The following AKR1C8 variants were observed in gnomAD, a reference collection of about 807,000 sequenced individuals.
AKR1C8 encodes the protein aldo-keto reductase family 1 member C8.
chr10:5,141,109 T>C, the AKR1C8 span, among the ~76,000 whole-genome samples: 1 of 152,154 alleles, frequency 6.6e-6, no homozygotes, highest in African/African-American at 2.4e-5. Flanking sequence ...TTTCATAATA[T>C]TTTAAATCCT....
At chr10:5,177,712 G>A in the AKR1C8 span, among the ~76,000 whole-genome samples, 1 of 152,300 alleles carries the variant, frequency 6.6e-6, no homozygotes, top group South Asian at 2.1e-4. Flanking sequence ...TCTTGGGAGG[G>A]TGTATGTGTC....
At chr10:5,160,947 T>C in the AKR1C8 span, 1 of 466,102 alleles carries the variant, frequency 2.1e-6, no homozygotes, top group African/African-American at 2.0e-5. Flanking sequence ...TCCTTTCTGG[T>C]GCCTAAGGAG....
At chr10:5,122,222 G>A in the AKR1C8 span, 1 of 299,418 alleles carries the variant, frequency 3.3e-6, no homozygotes, top group Non-Finnish European at 6.9e-6. Flanking sequence ...GCTTCTACCT[G>A]GGAATCCAAG....
At chr10:5,124,661 C>T in the AKR1C8 span, among the ~76,000 whole-genome samples, 2 of 151,962 alleles carry the variant, frequency 1.3e-5, no homozygotes, top group Non-Finnish European at 2.9e-5. Flanking sequence ...AAAATTAAAA[C>T]ATCATTGCTA....
the AKR1C8 span, among the ~76,000 whole-genome samples, chr10:5,138,523 A>G: frequency 1.3e-5 from 2 of 152,102 alleles, no homozygotes; most frequent in African/African-American, 4.8e-5. Context: ...TCAAACACAC[A>G]AGTTTTACAA....
At chr10:5,183,712 T>TA in the AKR1C8 span, among the ~76,000 whole-genome samples, 1 of 152,018 alleles carries the variant, frequency 6.6e-6, no homozygotes, top group South Asian at 2.1e-4. Context: ...CTTAAACAGT[T>TA]AGAGTGAGTT....
At chr10:5,139,889 C>A in the AKR1C8 span, among the ~76,000 whole-genome samples, 1 of 151,942 alleles carries the variant, frequency 6.6e-6, no homozygotes, top group African/African-American at 2.4e-5. Context: ...ATTTTTGCAA[C>A]CTACCCATCT....
chr10:5,123,504 A>T, the AKR1C8 span: 3 of 532,232 alleles, frequency 5.6e-6, no homozygotes, highest in South Asian at 1.1e-4. Flanking sequence ...CGGCTCCCTA[A>T]ACAGACTAAG....
At chr10:5,148,097 C>A in the AKR1C8 span, among the ~76,000 whole-genome samples, 1 of 152,070 alleles carries the variant, frequency 6.6e-6, no homozygotes, top group African/African-American at 2.4e-5. Flanking sequence ...TCTGGCTTCA[C>A]AAGACTCAAG....
the AKR1C8 span, among the ~76,000 whole-genome samples, chr10:5,169,536 G>A: frequency 9.7e-6 from 1 of 103,618 alleles, no homozygotes; most frequent in Admixed American, 9.0e-5. Context: ...TGAGACAGAA[G>A]TAACATTTTT....
the AKR1C8 span, among the ~76,000 whole-genome samples, chr10:5,167,314 G>A: frequency 6.6e-6 from 1 of 152,120 alleles, no homozygotes; most frequent in African/African-American, 2.4e-5. Context: ...AAATCATGCT[G>A]CTATAAAGAC....
chr10:5,160,703 C>A, the AKR1C8 span: 1 of 405,620 alleles, frequency 2.5e-6, no homozygotes. Context: ...AGAAGCTCCA[C>A]ATCTGAGGTC....
the AKR1C8 span, chr10:5,162,822 C>T: frequency 1.4e-5 from 7 of 504,672 alleles, no homozygotes; most frequent in South Asian, 4.5e-5. Context: ...CTTATAGTGG[C>T]CTCTGGCTAC....
At chr10:5,146,587 C>T in the AKR1C8 span, among the ~76,000 whole-genome samples, 1 of 152,090 alleles carries the variant, frequency 6.6e-6, no homozygotes, top group Non-Finnish European at 1.5e-5. Flanking sequence ...CATTACCATA[C>T]TCCACAATTT....
the AKR1C8 span, chr10:5,154,260 G>A: frequency 6.5e-6 from 3 of 462,030 alleles, no homozygotes; most frequent in Non-Finnish European, 1.3e-5. Context: ...ACTTGGGATG[G>A]GCTAAAATTC....
the AKR1C8 span, among the ~76,000 whole-genome samples, chr10:5,146,537 T>G: frequency 6.6e-6 from 1 of 152,116 alleles, no homozygotes; most frequent in East Asian, 1.9e-4. Context: ...TGCTAATAGT[T>G]TACAATATGA....
chr10:5,151,379 A>G, the AKR1C8 span, among the ~76,000 whole-genome samples: 2 of 152,112 alleles, frequency 1.3e-5, no homozygotes, highest in African/African-American at 2.4e-5. Flanking sequence ...GGCTGTTATC[A>G]TCTTTGTTTC....
At chr10:5,178,212 T>C in the AKR1C8 span, among the ~76,000 whole-genome samples, 1 of 152,210 alleles carries the variant, frequency 6.6e-6, no homozygotes, top group South Asian at 2.1e-4. Flanking sequence ...AGAACATCTT[T>C]ATTTCTGCTT....
At chr10:5,184,799 T>C in the AKR1C8 span, among the ~76,000 whole-genome samples, 1 of 152,200 alleles carries the variant, frequency 6.6e-6, no homozygotes, top group Non-Finnish European at 1.5e-5. Context: ...AAATTATCAA[T>C]CTCAGAATCC....
Sources: allele counts gnomAD v4.1 joint callset (sites outside exome capture counted in the v4.1 genomes callset), GRCh38; gene constraint gnomAD v4.1.1; transcripts MANE v1.5; gene names NCBI Gene and HGNC (gene_info 2026-07-23, HGNC 2026-07-21).